The following RBFOX1 variants were observed in gnomAD, a reference collection of about 807,000 sequenced individuals.
RBFOX1 encodes RNA binding fox-1 homolog 1, also known as RNA binding protein fox-1 homolog 1.
A neutral mutation model predicts 57.7 loss-of-function variants in RBFOX1; 8 were observed. That is an observed-to-expected ratio of 0.14 (90% CI 0.08 to 0.25). The LOEUF is 0.25. Ranked by LOEUF, RBFOX1 falls within the 10% of genes least tolerant of loss-of-function variation. RBFOX1 has a pLI of 1.00. For missense variants in RBFOX1, 611 were observed against 548.5 expected, an observed-to-expected ratio of 1.11 and a Z score of -1.14; for synonymous variants, 326 against 222.4, an observed-to-expected ratio of 1.47 and a Z score of -4.15.
chr16:7,664,717 C>G lies in RBFOX1; in HGVS notation c.891-212C>G, dbSNP rs143073779. 5.8e-4 allele frequency: 446 copies of G among 765,710 alleles called. 1 individual carries two copies. The African/African-American group carries it at 7.1e-3, about 12-fold the overall frequency. 47.4% of individuals were successfully genotyped at this position (765,710 alleles called of 1,614,324 possible). A position where few individuals can be genotyped will look rare whatever the true frequency, so the allele number is the denominator to read the frequency against. Reference sequence around the variant, plus strand: ...CCTAGCACACCGCCACCACCACATCCTAATTCTGGGCCAACACCAAAGCCC... The same window carrying G: ...CCTAGCACACCGCCACCACCACATCGTAATTCTGGGCCAACACCAAAGCCC... On this transcript the variant is annotated intron_variant, in intron 12 of 15. Transcript: ENST00000550418.
intron 3 of RBFOX1, among the ~76,000 whole-genome samples, chr16:5,797,192 A>T (rs2054906919): frequency 6.6e-6 from 1 of 152,214 alleles, no homozygotes; most frequent in Non-Finnish European, 1.5e-5. Flanking sequence ...CTAGATGCCC[A>T]TAGAGGAAGT....
chr16:6,084,225 C>T (rs924655627), intron 1 of RBFOX1, among the ~76,000 whole-genome samples: 4 of 151,942 alleles, frequency 2.6e-5, no homozygotes, highest in Non-Finnish European at 5.9e-5. Context: ...ATGGTCCTTC[C>T]TCCTTATTTA....
At chr16:5,721,952 C>T (rs1316081624) in intron 3 of RBFOX1, among the ~76,000 whole-genome samples, 1 of 152,160 alleles carries the variant, frequency 6.6e-6, no homozygotes, top group Non-Finnish European at 1.5e-5. Flanking sequence ...GAGAAAGCTA[C>T]CTGGAAGGTC....
intron 1 of RBFOX1, among the ~76,000 whole-genome samples, chr16:5,269,977 A>G (rs1308186057): frequency 1.3e-5 from 2 of 152,120 alleles, no homozygotes; most frequent in East Asian, 3.9e-4. Flanking sequence ...CAACATGGCA[A>G]GACCCTGTCT....
chr16:6,541,667 G>A (rs1055278251), intron 2 of RBFOX1, among the ~76,000 whole-genome samples: 4 of 152,198 alleles, frequency 2.6e-5, no homozygotes, highest in African/African-American at 9.6e-5. Context: ...ATTGTAGGAA[G>A]AGCAAGAATA....
chr16:5,956,453 A>G (rs2059641155), intron 4 of RBFOX1, among the ~76,000 whole-genome samples: 1 of 151,324 alleles, frequency 6.6e-6, no homozygotes, highest in Admixed American at 6.6e-5. Context: ...ATGTGGGGAG[A>G]TGCAAGTTAC....
At chr16:6,876,500 G>A (rs12920869) in intron 3 of RBFOX1, among the ~76,000 whole-genome samples, 5 of 151,908 alleles carry the variant, frequency 3.3e-5, no homozygotes, top group East Asian at 1.9e-4. Context: ...ATCACATAGC[G>A]CTGTACCTAG....
intron 2 of RBFOX1, among the ~76,000 whole-genome samples, chr16:5,533,607 G>C (rs766901623): frequency 6.6e-6 from 1 of 152,140 alleles, no homozygotes; most frequent in African/African-American, 2.4e-5. Context: ...AGACATCTCA[G>C]CATGGATGAG....
At chr16:7,564,278 C>T (rs1335527565) in intron 5 of RBFOX1, among the ~76,000 whole-genome samples, 1 of 151,880 alleles carries the variant, frequency 6.6e-6, no homozygotes, top group African/African-American at 2.4e-5. Context: ...GGTGGCTCAC[C>T]CCTGTAATCC....
chr16:7,499,701 C>T (rs1026699639), intron 4 of RBFOX1, among the ~76,000 whole-genome samples: 8 of 152,134 alleles, frequency 5.3e-5, no homozygotes, highest in South Asian at 2.1e-4. Flanking sequence ...AAAACAAGTG[C>T]GCCAGAATCA....
chr16:7,288,219 A>C (rs2095688917), intron 4 of RBFOX1, among the ~76,000 whole-genome samples: 1 of 152,178 alleles, frequency 6.6e-6, no homozygotes, highest in Admixed American at 6.5e-5. Context: ...AATTCAATTT[A>C]ATTTCTGGAG....
intron 4 of RBFOX1, among the ~76,000 whole-genome samples, chr16:7,233,512 A>G (rs1294965226): frequency 6.6e-6 from 1 of 152,154 alleles, no homozygotes; most frequent in African/African-American, 2.4e-5. Context: ...GTTAAATGAG[A>G]TCAATGTGTG....
At chr16:7,283,075 CTT>C (rs1278375704) in intron 4 of RBFOX1, among the ~76,000 whole-genome samples, 6 of 152,078 alleles carry the variant, frequency 3.9e-5, no homozygotes, top group Non-Finnish European at 7.4e-5. Context: ...GTGCAGGTAT[CTT>C]TTTTGTATAA....
intron 3 of RBFOX1, among the ~76,000 whole-genome samples, chr16:6,907,687 C>G (rs1007560225): frequency 2.6e-5 from 4 of 152,202 alleles, no homozygotes; most frequent in African/African-American, 7.2e-5. Context: ...TCTCCTGGCT[C>G]AGCCTCCTGA....
At chr16:5,470,241 GT>G (rs1410762451) in intron 2 of RBFOX1, among the ~76,000 whole-genome samples, 1 of 152,200 alleles carries the variant, frequency 6.6e-6, no homozygotes, top group Non-Finnish European at 1.5e-5. Context: ...GGGTAGCATG[GT>G]TCTAGGCTGT....
intron 2 of RBFOX1, among the ~76,000 whole-genome samples, chr16:6,437,938 C>T (rs1176748103): frequency 6.6e-6 from 1 of 152,106 alleles, no homozygotes; most frequent in Non-Finnish European, 1.5e-5. Flanking sequence ...AGAGCCAAAC[C>T]ATATCAGCAT....
chr16:5,922,827 C>T (rs2058853658), intron 4 of RBFOX1, among the ~76,000 whole-genome samples: 2 of 152,220 alleles, frequency 1.3e-5, no homozygotes, highest in South Asian at 4.1e-4. Context: ...AGCCCAGCCA[C>T]AGAAGGAAGT....
At chr16:6,862,678 A>G (rs1342050710) in intron 3 of RBFOX1, among the ~76,000 whole-genome samples, 2 of 152,174 alleles carry the variant, frequency 1.3e-5, no homozygotes, top group Admixed American at 1.3e-4. Flanking sequence ...TGGAGGTAGA[A>G]TTGGAATCAT....
At chr16:7,124,542 T>TCCCTCCCTCC (rs1555494379) in intron 4 of RBFOX1, among the ~76,000 whole-genome samples, 1 of 81,540 alleles carries the variant, frequency 1.2e-5, no homozygotes, top group South Asian at 6.1e-4. Flanking sequence ...TCCTTCCCTC[T>TCCCTCCCTCC]CTCCCTCCCT....
Sources: allele counts gnomAD v4.1 joint callset (sites outside exome capture counted in the v4.1 genomes callset), GRCh38; gene constraint gnomAD v4.1.1; transcripts MANE v1.5; gene names NCBI Gene and HGNC (gene_info 2026-07-23, HGNC 2026-07-21).